Variants in SGCZ observed in about 807,000 individuals in gnomAD.
SGCZ encodes sarcoglycan zeta.
SGCZ carries 40 observed loss-of-function variants against 41.3 expected under a neutral mutation model. The ratio of observed to expected loss-of-function variants is 0.97; its 90% CI spans 0.75 to 1.26. The LOEUF (loss-of-function observed/expected upper bound fraction) is 1.26. Ranked by LOEUF, SGCZ falls within the 50% of genes most tolerant of loss-of-function variation. The pLI, the probability that SGCZ is intolerant of heterozygous loss-of-function variation, is 0.00. For missense variants in SGCZ, 552 were observed against 369.8 expected (o/e 1.49, Z -4.04); for synonymous variants, 206 against 137.5 (o/e 1.50, Z -3.49).
At chr8:14,985,409 CAA>C (rs1225155418) in intron 1 of SGCZ, among the ~76,000 whole-genome samples, 13 of 152,138 alleles carry the variant, frequency 8.5e-5, no homozygotes. Flanking sequence ...TTCCTACACT[CAA>C]ATAACACACA....
chr8:14,128,953 G>A (rs1802948999), intron 5 of SGCZ, among the ~76,000 whole-genome samples: 1 of 152,064 alleles, frequency 6.6e-6, no homozygotes, highest in African/African-American at 2.4e-5. Flanking sequence ...AGGAGGATGA[G>A]GGATGAAATC....
At chr8:15,070,027 A>T (rs770681842) in intron 1 of SGCZ, among the ~76,000 whole-genome samples, 116 of 152,288 alleles carry the variant, frequency 7.6e-4, no homozygotes, top group Middle Eastern at 3.4e-3. Flanking sequence ...TGGTGTTAAG[A>T]TTCCCTGCCT....
intron 1 of SGCZ, among the ~76,000 whole-genome samples, chr8:14,696,594 C>CTTTTTATTTTA (rs1298938079): frequency 6.6e-6 from 1 of 152,018 alleles, no homozygotes; most frequent in Non-Finnish European, 1.5e-5. Flanking sequence ...TTTTGATGGC[C>CTTTTTATTTTA]TTTTATTTTC....
intron 1 of SGCZ, among the ~76,000 whole-genome samples, chr8:14,941,298 A>G (rs1304445541): frequency 1.3e-5 from 2 of 152,146 alleles, no homozygotes; most frequent in African/African-American, 4.8e-5. Context: ...ATCTGTATTC[A>G]AGGATGTTTG....
chr8:14,349,658 C>T (rs1803017344), intron 2 of SGCZ, among the ~76,000 whole-genome samples: 1 of 152,060 alleles, frequency 6.6e-6, no homozygotes, highest in Non-Finnish European at 1.5e-5. Flanking sequence ...TGCAGGAAAG[C>T]CACTTACCAA....
rs114949286 is a variant in SGCZ, at chr8:15,078,786, G to C, written c.39+158799C>G. 7.9e-3 allele frequency among the ~76,000 whole-genome samples: 1,197 copies of C among 151,766 alleles called. 19 individuals are homozygous for C. Among genetic ancestry groups the C allele is most frequent in the African/African-American group, 0.028 (1,150 of 41,368 alleles). On this transcript the variant is annotated intron_variant, in intron 1 of 7. Coordinates refer to ENST00000382080, the MANE Select transcript of SGCZ (RefSeq NM_139167.4). ...CCACTATATGGTCTTTGACTTATCTGGATTTCCTCTGAGAATTTAGGTTCA... is the reference window on the plus strand; with the variant it reads ...CCACTATATGGTCTTTGACTTATCTCGATTTCCTCTGAGAATTTAGGTTCA...
chr8:14,936,411 T>C (rs1265490925), intron 1 of SGCZ, among the ~76,000 whole-genome samples: 1 of 151,970 alleles, frequency 6.6e-6, no homozygotes, highest in Non-Finnish European at 1.5e-5. Flanking sequence ...AAGCCTAGTT[T>C]ATAATAAAGT....
At chr8:14,620,201 T>C (rs1258795241) in intron 1 of SGCZ, among the ~76,000 whole-genome samples, 1 of 152,158 alleles carries the variant, frequency 6.6e-6, no homozygotes, top group East Asian at 1.9e-4. Context: ...GGATTCCCTA[T>C]TTAATAAATG....
rs1585194662 is a variant in SGCZ, at chr8:14,166,066, T to A, written c.425-1364A>T. Among the ~76,000 whole-genome samples, 4 of 152,266 alleles carry A rather than the reference T, an allele frequency of 2.6e-5. No homozygotes were observed. In the South Asian group the frequency reaches 8.3e-4, roughly 32 times the overall value. On this transcript the variant is annotated intron_variant, in intron 4 of 7. Coordinates refer to ENST00000382080, the MANE Select transcript of SGCZ (RefSeq NM_139167.4). ...CTCCAAAAGCCATATGTATTTTTTTTAATATTCTGAAACTACATACATGCT... is the reference window on the plus strand; with the variant it reads ...CTCCAAAAGCCATATGTATTTTTTTAAATATTCTGAAACTACATACATGCT...
intron 1 of SGCZ, among the ~76,000 whole-genome samples, chr8:15,158,955 C>A (rs1799415406): frequency 6.6e-6 from 1 of 152,184 alleles, no homozygotes; most frequent in Non-Finnish European, 1.5e-5. Flanking sequence ...ATATACAACT[C>A]CTAAAATCCT....
intron 1 of SGCZ, among the ~76,000 whole-genome samples, chr8:15,127,316 C>T (rs962451321): frequency 2.0e-5 from 3 of 151,464 alleles, no homozygotes; most frequent in Admixed American, 6.6e-5. Flanking sequence ...CCAGGATAGG[C>T]GTTATACTAT....
intron 1 of SGCZ, among the ~76,000 whole-genome samples, chr8:14,673,066 T>A (rs1220570783): frequency 6.6e-6 from 1 of 152,220 alleles, no homozygotes; most frequent in Non-Finnish European, 1.5e-5. Flanking sequence ...TTGGTCTAGA[T>A]TACCCACCTC....
chr8:14,839,343 G>A (rs1471209375), intron 1 of SGCZ, among the ~76,000 whole-genome samples: 2 of 152,124 alleles, frequency 1.3e-5, no homozygotes, highest in Non-Finnish European at 2.9e-5. Flanking sequence ...CGCTTGCAGA[G>A]GACCCATTGT....
At chr8:14,946,151 G>A (rs1800439779) in intron 1 of SGCZ, among the ~76,000 whole-genome samples, 1 of 148,038 alleles carries the variant, frequency 6.8e-6, no homozygotes, top group East Asian at 2.0e-4. Flanking sequence ...TTACTACTGA[G>A]TCAAGAGCAA....
intron 1 of SGCZ, chr8:14,853,603 A>G (rs1803428371): frequency 2.4e-6 from 1 of 419,358 alleles, no homozygotes. Flanking sequence ...TCAGTCACTG[A>G]AGTGGTTTGC....
At chr8:14,737,013 G>C (rs1799056510) in intron 1 of SGCZ, among the ~76,000 whole-genome samples, 1 of 150,258 alleles carries the variant, frequency 6.7e-6, no homozygotes, top group African/African-American at 2.4e-5. Flanking sequence ...AGAAACTCTG[G>C]TATATAGATA....
Position 14,112,283 on chromosome 8 carries a change from T to G in SGCZ, c.548-4048A>C, listed in dbSNP as rs200068276. Among the ~76,000 whole-genome samples, 108 of 113,842 alleles carry G rather than the reference T, an allele frequency of 9.5e-4. 2 individuals are homozygous for G. Among genetic ancestry groups the G allele is most frequent in the Middle Eastern group, 4.8e-3 (1 of 208 alleles). 74.7% of individuals were successfully genotyped at this position (113,842 alleles called of 152,430 possible). On this transcript the variant is annotated intron_variant, in intron 5 of 7. Coordinates refer to ENST00000382080, the MANE Select transcript of SGCZ (RefSeq NM_139167.4). ...TGAATTTTTTGAGTTTTTTTTTTTG[T>G]GGGGGGGGGGTGCAAAGAAGGGAAT...
chr8:14,968,979 C>A (rs185595532), intron 1 of SGCZ, among the ~76,000 whole-genome samples: 2 of 152,162 alleles, frequency 1.3e-5, no homozygotes, highest in African/African-American at 2.4e-5. Context: ...ATTTTCTTTA[C>A]ATAGTCAGTA....
At chr8:14,117,053 G>T (rs111968314) in intron 5 of SGCZ, among the ~76,000 whole-genome samples, 43 of 152,150 alleles carry the variant, frequency 2.8e-4, no homozygotes, top group African/African-American at 8.9e-4. Flanking sequence ...GTGTTTTAAA[G>T]GTTGCCATAA....
Sources: allele counts gnomAD v4.1 joint callset (sites outside exome capture counted in the v4.1 genomes callset), GRCh38; gene constraint gnomAD v4.1.1; transcripts MANE v1.5; gene names NCBI Gene and HGNC (gene_info 2026-07-23, HGNC 2026-07-21).